The following DOCK10 variants were observed in gnomAD, a reference collection of about 807,000 sequenced individuals.
DOCK10 encodes dedicator of cytokinesis 10.
Under a neutral mutation model 280.1 loss-of-function variants are expected in DOCK10, and 145 were observed. The ratio of observed to expected loss-of-function variants is 0.52; its 90% CI spans 0.45 to 0.59. The LOEUF (loss-of-function observed/expected upper bound fraction) is 0.59. Among genes scored for constraint, DOCK10 ranks in the 20% least tolerant of loss-of-function variants. The probability of loss-of-function intolerance (pLI) is 0.00; values close to 1 mark genes in which losing one functional copy is unlikely to be tolerated. For synonymous variants in DOCK10, 915 were observed against 942.2 expected (o/e 0.97, Z 0.53); for missense variants, 2,368 against 2,651.7 (o/e 0.89, Z 2.35).
chr2:224,966,932 C>T (rs1704783034), intron 1 of DOCK10, among the ~76,000 whole-genome samples: 1 of 151,712 alleles, frequency 6.6e-6, no homozygotes, highest in Non-Finnish European at 1.5e-5. Flanking sequence ...TTCATGGTAT[C>T]AGGGATAAAG....
chr2:224,765,770 G>C lies in DOCK10; in HGVS notation c.6512C>G (p.Ala2171Gly). Residue 2171 changes from alanine to glycine, a missense_variant, in exon 56 of 56, where the codon GCA (alanine) becomes GGA (glycine). Ala to Gly is a moderately conservative substitution (Grantham distance 60, BLOSUM62 0). Transcript: ENST00000258390. ...DQTCTRVISKATPALPTVSIS... is the reference protein window; with the variant it reads ...DQTCTRVISKGTPALPTVSIS... ...GGAGACCGTGGGTAGGGCCGGAGTT[G>C]CTTTGCTAATTACTCGAGTGCAGGT... The C allele has an allele frequency of 6.2e-7, 1 of 1,613,924 alleles. No individual in the cohort carries two copies. The highest frequency in any genetic ancestry group is 8.5e-7 in the Non-Finnish European group (1 of 1,179,862).
intron 1 of DOCK10, among the ~76,000 whole-genome samples, chr2:224,965,447 G>T (rs1226842305): frequency 7.9e-5 from 12 of 152,148 alleles, no homozygotes; most frequent in Non-Finnish European, 1.8e-4. Context: ...GTATGATTCT[G>T]TATATAGGCT....
intron 1 of DOCK10, among the ~76,000 whole-genome samples, chr2:224,977,104 CA>C (rs1023967331): frequency 6.6e-6 from 1 of 152,186 alleles, no homozygotes; most frequent in Non-Finnish European, 1.5e-5. Flanking sequence ...CAACTCACCG[CA>C]AATTTAGGCT....
At position 224,905,440 on chromosome 2, in the gene DOCK10, G is replaced by A. The variant is rs183315957; in HGVS notation, c.334-9063C>T. ...TTTTTTTTGTATTTTTAGTAGAGAC[G>A]GGGTTTCACCTTGTTAGCCAGGATG... On this transcript the variant is annotated intron_variant, in intron 3 of 55. Coordinates refer to ENST00000258390, the MANE Select transcript of DOCK10 (RefSeq NM_014689.3). Among the ~76,000 whole-genome samples, 1,403 of 151,366 alleles carry A rather than the reference G, an allele frequency of 9.3e-3. 14 individuals are homozygous for A. The highest frequency in any genetic ancestry group is 0.014 in the Non-Finnish European group (975 of 67,824).
At chr2:224,976,305 G>T (rs951669801) in intron 1 of DOCK10, among the ~76,000 whole-genome samples, 1 of 152,148 alleles carries the variant, frequency 6.6e-6, no homozygotes, top group Admixed American at 6.5e-5. Context: ...AAACCTAGAT[G>T]ATGGGTTGAT....
intron 13 of DOCK10, among the ~76,000 whole-genome samples, chr2:224,863,747 G>A (rs1010397186): frequency 2.6e-5 from 4 of 152,146 alleles, no homozygotes; most frequent in African/African-American, 7.2e-5. Flanking sequence ...CACTGCGCCC[G>A]GCCTTAATAT....
chr2:224,835,463 G>T (rs990736742), intron 25 of DOCK10, among the ~76,000 whole-genome samples: 1 of 152,204 alleles, frequency 6.6e-6, no homozygotes, highest in East Asian at 1.9e-4. Context: ...TATTGTAGAC[G>T]AAGTGAGTTA....
intron 7 of DOCK10, among the ~76,000 whole-genome samples, chr2:224,878,743 G>T (rs72972635): frequency 0.058 from 8,758 of 152,310 alleles, 296 homozygotes; most frequent in South Asian, 0.085. Flanking sequence ...TGAGCCCTTT[G>T]CTCCTGTCCA....
chr2:224,982,986 G>A (rs1048541605), intron 1 of DOCK10, among the ~76,000 whole-genome samples: 1 of 152,146 alleles, frequency 6.6e-6, no homozygotes, highest in Non-Finnish European at 1.5e-5. Context: ...CTGAGTGAGA[G>A]ACACCAGTGT....
At chr2:224,924,399 TTCTC>T (rs780459614) in intron 2 of DOCK10, among the ~76,000 whole-genome samples, 29 of 152,318 alleles carry the variant, frequency 1.9e-4, no homozygotes, top group Non-Finnish European at 4.1e-4. Context: ...CTAATCTCCT[TTCTC>T]TCTCTATGGA....
intron 1 of DOCK10, among the ~76,000 whole-genome samples, chr2:224,999,692 T>C (rs942623687): frequency 6.8e-6 from 1 of 146,052 alleles, no homozygotes; most frequent in African/African-American, 2.5e-5. Flanking sequence ...TGGGAAAATA[T>C]CCATAAACAC....
intron 25 of DOCK10, 89 bp from the exon 26 acceptor site, chr2:224,834,352 A>T (rs76850395): frequency 1.8e-5 from 14 of 790,520 alleles, no homozygotes; most frequent in Admixed American, 1.3e-4. Flanking sequence ...TATGTCTCTA[A>T]ATTATCTGCT....
intron 1 of DOCK10, among the ~76,000 whole-genome samples, chr2:224,948,871 G>T (rs753383622): frequency 6.6e-6 from 1 of 152,166 alleles, no homozygotes; most frequent in Non-Finnish European, 1.5e-5. Context: ...AAACTGTTAA[G>T]CGACTTTCTG....
chr2:224,866,558 C>T (rs1697921583), intron 11 of DOCK10, among the ~76,000 whole-genome samples: 1 of 152,174 alleles, frequency 6.6e-6, no homozygotes, highest in African/African-American at 2.4e-5. Context: ...ACAACCCACC[C>T]TAGTCTTCAT....
intron 1 of DOCK10, among the ~76,000 whole-genome samples, chr2:225,027,654 C>T (rs1241096704): frequency 6.6e-6 from 1 of 152,162 alleles, no homozygotes; most frequent in African/African-American, 2.4e-5. Context: ...AGACGCCCCA[C>T]TTCCCCTTTG....
intron 1 of DOCK10, among the ~76,000 whole-genome samples, chr2:224,968,933 C>A (rs1704925038): frequency 1.3e-5 from 2 of 152,158 alleles, no homozygotes. Context: ...AGAACTACCC[C>A]CTACACTTCA....
chr2:224,940,532 T>G (rs1274399779), intron 1 of DOCK10, among the ~76,000 whole-genome samples: 2 of 152,234 alleles, frequency 1.3e-5, no homozygotes, highest in Non-Finnish European at 2.9e-5. Context: ...GAATTACCAG[T>G]GCAACCCAAG....
intron 3 of DOCK10, among the ~76,000 whole-genome samples, chr2:224,906,683 A>G (rs775668138): frequency 5.3e-5 from 8 of 152,126 alleles, no homozygotes; most frequent in South Asian, 2.1e-4. Flanking sequence ...GTTTCACCAT[A>G]TTAGCCAGGA....
chr2:224,924,334 C>G (rs1468029499), intron 2 of DOCK10, among the ~76,000 whole-genome samples: 1 of 152,174 alleles, frequency 6.6e-6, no homozygotes, highest in Non-Finnish European at 1.5e-5. Context: ...AAAGAAACCC[C>G]ATATCCACTA....
Sources: gnomAD v4.1 joint callset for allele counts (sites outside exome capture counted in the v4.1 genomes callset) on GRCh38, gnomAD v4.1.1 for gene constraint, MANE v1.5 for transcripts, NCBI Gene and HGNC (gene_info 2026-07-23, HGNC 2026-07-21) for gene names.